KCNIP4: variants seen among roughly 807,000 people sequenced by gnomAD.
KCNIP4 encodes the protein Kv channel-interacting protein 4.
In KCNIP4, 12 loss-of-function variants were observed where a neutral mutation model predicts 34.0. That is an observed-to-expected ratio of 0.35 (90% confidence interval 0.23 to 0.57). The LOEUF is 0.57. Ranked by LOEUF, KCNIP4 falls within the 20% of genes least tolerant of loss-of-function variation. KCNIP4 has a pLI of 0.83. For missense variants in KCNIP4, 238 were observed against 311.7 expected, an observed-to-expected ratio of 0.76 and a Z score of 1.78; for synonymous variants, 124 against 102.2, an observed-to-expected ratio of 1.21 and a Z score of -1.29.
intron 1 of KCNIP4, among the ~76,000 whole-genome samples, chr4:21,450,309 G>T (rs997770384): frequency 6.6e-6 from 1 of 152,122 alleles, no homozygotes; most frequent in African/African-American, 2.4e-5. Flanking sequence ...ATGAGCATTT[G>T]CTTTAAAATT....
intron 1 of KCNIP4, among the ~76,000 whole-genome samples, chr4:20,981,961 T>C (rs1172474957): frequency 6.6e-6 from 1 of 152,218 alleles, no homozygotes; most frequent in Non-Finnish European, 1.5e-5. Flanking sequence ...TTTCTATGAT[T>C]CTAGTTGGGG....
chr4:20,774,167 C>T (rs1756163485), intron 3 of KCNIP4, among the ~76,000 whole-genome samples: 1 of 152,154 alleles, frequency 6.6e-6, no homozygotes, highest in South Asian at 2.1e-4. Flanking sequence ...GTACACATTC[C>T]CCATGGAGGA....
At chr4:21,634,223 C>CAA (rs376741978) in intron 1 of KCNIP4, among the ~76,000 whole-genome samples, 3,857 of 112,086 alleles carry the variant, frequency 0.034, 83 homozygotes, top group South Asian at 0.052. Context: ...GTTCTTTCCT[C>CAA]AAAAAAAAAA....
chr4:21,656,596 T>C (rs533686333), intron 1 of KCNIP4: 1 of 152,324 alleles, frequency 6.6e-6, no homozygotes, highest in Non-Finnish European at 1.5e-5. Flanking sequence ...AATCTTCATC[T>C]CATTGCTTTT....
At chr4:21,303,095 A>C (rs1205525467) in intron 1 of KCNIP4, among the ~76,000 whole-genome samples, 1 of 152,238 alleles carries the variant, frequency 6.6e-6, no homozygotes. Context: ...GAAACATTTA[A>C]TTTAGGAAAC....
chr4:21,758,320 T>G lies in KCNIP4; in HGVS notation c.61+190251A>C, dbSNP rs148336854. 8.8e-3 allele frequency among the ~76,000 whole-genome samples: 1,336 copies of G among 152,240 alleles called. 19 individuals carry two copies. The highest frequency in any genetic ancestry group is 0.039 in the South Asian group (186 of 4,826). ...CTGAAGACAATAAAACAAAATAATG[T>G]GAATAGAGTAACTGAAGATGTGTGT... On this transcript the variant is annotated intron_variant, in intron 1 of 8. Coordinates refer to ENST00000382152, the MANE Select transcript of KCNIP4 (RefSeq NM_025221.6).
intron 1 of KCNIP4, among the ~76,000 whole-genome samples, chr4:21,878,578 C>T (rs1726276865): frequency 6.6e-6 from 1 of 152,196 alleles, no homozygotes; most frequent in Non-Finnish European, 1.5e-5. Context: ...CCAGCTAAAC[C>T]TGGCAATACC....
chr4:21,692,338 T>C (rs1303141617), intron 1 of KCNIP4, among the ~76,000 whole-genome samples: 5 of 152,216 alleles, frequency 3.3e-5, no homozygotes, highest in African/African-American at 4.8e-5. Context: ...TCAGAGATCA[T>C]GTAATCAGAT....
intron 1 of KCNIP4, among the ~76,000 whole-genome samples, chr4:21,259,920 T>TGC (rs1553848066): frequency 6.7e-4 from 101 of 150,196 alleles, no homozygotes; most frequent in African/African-American, 2.4e-3. Context: ...TGTGTGTGTG[T>TGC]GCACGTGCGC....
intron 1 of KCNIP4, among the ~76,000 whole-genome samples, chr4:21,519,757 A>ATGTATGATACACACGTGTG (rs1735325851): frequency 8.1e-6 from 1 of 123,990 alleles, no homozygotes; most frequent in African/African-American, 3.7e-5. Context: ...ACGTGTGTGT[A>ATGTATGATACACACGTGTG]TGTATGTGTG....
chr4:21,745,895 T>C lies in KCNIP4; in HGVS notation c.61+202676A>G, dbSNP rs150320636. 8.7e-3 allele frequency among the ~76,000 whole-genome samples: 1,327 copies of C among 152,242 alleles called. 19 individuals are homozygous for C. The highest frequency in any genetic ancestry group is 0.038 in the South Asian group (185 of 4,818). ...CATAAGACCCTAATAAATAAATAGG[T>C]AAAAAACAGTGTTTTTGTTTGCTAT... On this transcript the variant is annotated intron_variant, in intron 1 of 8. Transcript: ENST00000382152.
chr4:21,912,933 C>G (rs1055498798), intron 1 of KCNIP4, among the ~76,000 whole-genome samples: 1 of 151,544 alleles, frequency 6.6e-6, no homozygotes, highest in African/African-American at 2.4e-5. Context: ...TTTAAAATTC[C>G]CCTCTGAATA....
At chr4:21,312,177 G>A (rs1379265262) in intron 1 of KCNIP4, among the ~76,000 whole-genome samples, 7 of 152,160 alleles carry the variant, frequency 4.6e-5, no homozygotes, top group Admixed American at 3.3e-4. Flanking sequence ...ATTCTTAAAG[G>A]ACTGAAGACA....
At chr4:20,867,333 A>G (rs1268181099) in intron 2 of KCNIP4, among the ~76,000 whole-genome samples, 2 of 152,132 alleles carry the variant, frequency 1.3e-5, no homozygotes, top group East Asian at 3.9e-4. Context: ...AGACACCTAG[A>G]CCAATGAAAC....
intron 1 of KCNIP4, among the ~76,000 whole-genome samples, chr4:21,265,675 A>G (rs983575663): frequency 1.3e-5 from 2 of 152,310 alleles, no homozygotes; most frequent in African/African-American, 4.8e-5. Flanking sequence ...AGGCAAAGAG[A>G]TAGAATCATA....
intron 3 of KCNIP4, among the ~76,000 whole-genome samples, chr4:20,760,815 G>A (rs1754897278): frequency 6.6e-6 from 1 of 152,054 alleles, no homozygotes; most frequent in Admixed American, 6.6e-5. Flanking sequence ...GAGAATTGGA[G>A]TAAAGAAAAA....
At chr4:21,802,962 G>T (rs1721087334) in intron 1 of KCNIP4, among the ~76,000 whole-genome samples, 1 of 152,036 alleles carries the variant, frequency 6.6e-6, no homozygotes, top group Non-Finnish European at 1.5e-5. Flanking sequence ...CAACAGGATG[G>T]TATATTTCAA....
chr4:21,590,590 G>A (rs867487694), intron 1 of KCNIP4, among the ~76,000 whole-genome samples: 1 of 151,828 alleles, frequency 6.6e-6, no homozygotes, highest in Admixed American at 6.6e-5. Flanking sequence ...AAAAATAAAA[G>A]GTTTAGGGAT....
chr4:20,973,160 C>T (rs555896151), intron 1 of KCNIP4, among the ~76,000 whole-genome samples: 2 of 152,326 alleles, frequency 1.3e-5, no homozygotes, highest in African/African-American at 4.8e-5. Flanking sequence ...TAGACAACAT[C>T]TTCTCCCAAT....
Sources: allele counts gnomAD v4.1 joint callset (sites outside exome capture counted in the v4.1 genomes callset), GRCh38; gene constraint gnomAD v4.1.1; transcripts MANE v1.5; gene names NCBI Gene and HGNC (gene_info 2026-07-23, HGNC 2026-07-21).